ASB5: variants seen among roughly 807,000 people sequenced by gnomAD.
The protein encoded by ASB5 is ankyrin repeat and SOCS box protein 5.
A neutral mutation model predicts 42.1 loss-of-function variants in ASB5; 45 were observed. That is an observed-to-expected ratio of 1.07 (90% CI 0.84 to 1.37). ASB5 has a LOEUF of 1.37. Ranked by LOEUF, ASB5 falls within the 40% of genes most tolerant of loss-of-function variation. The pLI, the probability that ASB5 is intolerant of heterozygous loss-of-function variation, is 0.00. For missense variants in ASB5, 402 were observed against 399.8 expected (o/e 1.01, Z -0.05); for synonymous variants, 147 against 150.6 (o/e 0.98, Z 0.18).
At position 176,221,169 on chromosome 4, in the gene ASB5, T is replaced by G. The variant is rs1256191562; in HGVS notation, c.656A>C (p.Lys219Thr). Residue 219 changes from lysine (K) to threonine (T), a missense_variant, in exon 5 of 7, where the codon AAG becomes ACG. By Grantham distance (78) the Lys-to-Thr change is moderately conservative. Coordinates refer to ENST00000296525, the MANE Select transcript of ASB5 (RefSeq NM_080874.4). Reference protein sequence around the residue: ...CMSQQFHCIWKLLYAGADVQK... With the variant: ...CMSQQFHCIWTLLYAGADVQK... Reference sequence around the variant, plus strand: ...AAGGAAAATACCAGCATAAAGAAGCTTCCAGATGCAATGGAATTGCTGTGA... The same window carrying G: ...AAGGAAAATACCAGCATAAAGAAGCGTCCAGATGCAATGGAATTGCTGTGA... The G allele has an allele frequency of 9.9e-6, 16 of 1,613,232 alleles. No homozygotes were observed. Among genetic ancestry groups the G allele is most frequent in the African/African-American group, 1.3e-5 (1 of 74,904 alleles).
chr4:176,231,205 C>A (rs886857514), intron 1 of ASB5, among the ~76,000 whole-genome samples: 1 of 147,772 alleles, frequency 6.8e-6, no homozygotes, highest in Admixed American at 6.9e-5. Context: ...CAGCCACTGT[C>A]GAGGTAAATC....
intron 1 of ASB5, among the ~76,000 whole-genome samples, chr4:176,243,728 C>T (rs1043738508): frequency 1.3e-5 from 2 of 151,946 alleles, no homozygotes; most frequent in Non-Finnish European, 2.9e-5. Flanking sequence ...GGTCTCGAAC[C>T]GCTGAGCTCA....
intron 1 of ASB5, among the ~76,000 whole-genome samples, chr4:176,261,759 A>T (rs114523153): frequency 6.0e-4 from 91 of 152,238 alleles, no homozygotes; most frequent in African/African-American, 2.0e-3. Context: ...TTTTAGCGCC[A>T]TATGGTTTTC....
intron 1 of ASB5, among the ~76,000 whole-genome samples, chr4:176,246,358 A>T (rs1158310959): frequency 6.6e-6 from 1 of 152,232 alleles, no homozygotes; most frequent in African/African-American, 2.4e-5. Flanking sequence ...AAGAAAAAGA[A>T]GAACCTTTCA....
At chr4:176,244,194 T>G (rs1302235417) in intron 1 of ASB5, among the ~76,000 whole-genome samples, 2 of 152,188 alleles carry the variant, frequency 1.3e-5, no homozygotes, top group Non-Finnish European at 2.9e-5. Flanking sequence ...TTATGATTTT[T>G]AAAACACTGT....
chr4:176,246,305 T>C (rs1419752278), intron 1 of ASB5, among the ~76,000 whole-genome samples: 1 of 152,198 alleles, frequency 6.6e-6, no homozygotes, highest in Non-Finnish European at 1.5e-5. Flanking sequence ...GATGAGATTT[T>C]TCTGAGGCAA....
chr4:176,233,762 A>G (rs1202846913), intron 1 of ASB5, among the ~76,000 whole-genome samples: 1 of 152,148 alleles, frequency 6.6e-6, no homozygotes, highest in African/African-American at 2.4e-5. Flanking sequence ...TGCCATGAAC[A>G]TAAATATTAT....
chr4:176,216,662 T>C (rs1378155045), intron 6 of ASB5, among the ~76,000 whole-genome samples, 156 bp downstream of exon 6: 10 of 152,238 alleles, frequency 6.6e-5, no homozygotes, highest in Admixed American at 3.3e-4. Flanking sequence ...ATCTTCTTTA[T>C]AGATAAAACC....
intron 1 of ASB5, among the ~76,000 whole-genome samples, chr4:176,276,066 C>T (rs1401576929): frequency 6.6e-6 from 1 of 152,156 alleles, no homozygotes; most frequent in Non-Finnish European, 1.5e-5. Context: ...CAAGTATTGC[C>T]TCTACCATAG....
chr4:176,224,221 ATTTTTTTTTTTTT>A (rs869080360), intron 2 of ASB5, among the ~76,000 whole-genome samples: 5 of 87,218 alleles, frequency 5.7e-5, no homozygotes, highest in South Asian at 5.5e-4. Flanking sequence ...TGTGCATTTG[ATTTTTTTTTTTTT>A]TTTTTTTTTT....
intron 2 of ASB5, among the ~76,000 whole-genome samples, chr4:176,222,802 G>A (rs1753258106): frequency 1.3e-5 from 2 of 152,080 alleles, no homozygotes; most frequent in Non-Finnish European, 2.9e-5. Flanking sequence ...TTTTGAGATG[G>A]AGCCTCACTC....
At chr4:176,244,795 A>C (rs1479632367) in intron 1 of ASB5, among the ~76,000 whole-genome samples, 1 of 152,148 alleles carries the variant, frequency 6.6e-6, no homozygotes, top group East Asian at 1.9e-4. Context: ...ACATGTGCCT[A>C]TAACACCAGA....
chr4:176,240,968 G>A lies in ASB5; in HGVS notation c.197-15627C>T, dbSNP rs577908285. ...ACAAAAATTTCAAACATATATGCGC[G>A]TCCATGCACAGTGTCAACAATTATC... On this transcript the variant is annotated intron_variant, in intron 1 of 6. Transcript: ENST00000296525. 6.6e-5 allele frequency among the ~76,000 whole-genome samples: 10 copies of A among 152,168 alleles called. No homozygotes were observed. The South Asian group carries it at 1.4e-3, about 22-fold the overall frequency.
chr4:176,233,702 G>A lies in ASB5; in HGVS notation c.197-8361C>T, dbSNP rs532378368. On this transcript the variant is annotated intron_variant, in intron 1 of 6. Transcript: ENST00000296525. ...CCCACCTTGAGTCCTCATCATCCAAGCTCAGTCTTTGCATCTATCTACATT... is the reference window on the plus strand; with the variant it reads ...CCCACCTTGAGTCCTCATCATCCAAACTCAGTCTTTGCATCTATCTACATT... 7.9e-5 allele frequency among the ~76,000 whole-genome samples: 12 copies of A among 152,150 alleles called. No homozygotes were observed. The South Asian group carries it at 1.0e-3, about 13-fold the overall frequency.
In ASB5 at chr4:176,215,616, A is replaced by T. The variant is rs141129167; in HGVS notation, c.974T>A (p.Phe325Tyr). 15 of 1,612,888 alleles carry T rather than the reference A, an allele frequency of 9.3e-6. No homozygotes were observed. The African/African-American group carries it at 1.9e-4, about 20-fold the overall frequency. ...QLQLPTLLKNFLQYR is the reference protein window; with the variant it reads ...QLQLPTLLKNYLQYR Reference sequence around the variant, plus strand: ...TTTACTGTTTTATCGATACTGTAAGAAATTCTTCAGTAACGTTGGCAGCTG... The same window carrying T: ...TTTACTGTTTTATCGATACTGTAAGTAATTCTTCAGTAACGTTGGCAGCTG... Residue 325 changes from phenylalanine to tyrosine, a missense_variant, in exon 7 of 7, where the codon TTC becomes TAC. Physicochemically the swap from Phe to Tyr is conservative, Grantham distance 22. Transcript: ENST00000296525.
intron 1 of ASB5, among the ~76,000 whole-genome samples, chr4:176,237,798 A>T (rs1178063800): frequency 6.6e-6 from 1 of 152,264 alleles, no homozygotes; most frequent in Non-Finnish European, 1.5e-5. Flanking sequence ...CTATTTAAAG[A>T]ACCTACAAAT....
chr4:176,218,715 GATATATACATTTGTATGATATATAA>G lies in ASB5; in HGVS notation c.671-1731_671-1707del, dbSNP rs1483647856. ...TATATAAATATATATATATTTGTAT[GATATATACATTTGTATGATATATAA>G]ATATATATATTTGTATGATATATAA... On this transcript the variant is annotated intron_variant, in intron 5 of 6. Coordinates refer to ENST00000296525, the MANE Select transcript of ASB5 (RefSeq NM_080874.4). 6.3e-3 allele frequency among the ~76,000 whole-genome samples: 122 copies of G among 19,498 alleles called. 31 individuals are homozygous for G. The highest frequency in any genetic ancestry group is 0.023 in the African/African-American group (120 of 5,122). The allele number at this position is 19,498 out of a possible 152,430, so 12.8% of individuals were successfully genotyped here.
At chr4:176,271,384 A>C (rs12645625), upstream of ASB5, among the ~76,000 whole-genome samples, 4,545 of 152,314 alleles carry the variant, frequency 0.03, 268 homozygotes, top group East Asian at 0.28. Context: ...ACACATAACC[A>C]CATTAAAAGT....
chr4:176,255,860 G>A (rs987957102), intron 1 of ASB5, among the ~76,000 whole-genome samples: 1 of 152,092 alleles, frequency 6.6e-6, no homozygotes, highest in Non-Finnish European at 1.5e-5. Flanking sequence ...TAAAATAAAG[G>A]TTGAAATTAT....
Sources: gnomAD v4.1 joint callset for allele counts (sites outside exome capture counted in the v4.1 genomes callset) on GRCh38, gnomAD v4.1.1 for gene constraint, MANE v1.5 for transcripts, NCBI Gene and HGNC (gene_info 2026-07-23, HGNC 2026-07-21) for gene names.